Variants in RBPJ observed in about 807,000 individuals in gnomAD.
The protein encoded by RBPJ is recombination signal binding protein for immunoglobulin kappa J region.
A neutral mutation model predicts 67.8 loss-of-function variants in RBPJ; 9 were observed. The observed-to-expected ratio is 0.13, with a 90% CI of 0.08 to 0.23. RBPJ has a LOEUF of 0.23. Among genes scored for constraint, RBPJ ranks in the 10% least tolerant of loss-of-function variants. The pLI, the probability that RBPJ is intolerant of heterozygous loss-of-function variation, is 1.00. For missense variants in RBPJ, 305 were observed against 595.6 expected (o/e 0.51, Z 5.08); for synonymous variants, 198 against 203.3 (o/e 0.97, Z 0.22).
rs561355134 is a variant in RBPJ, at chr4:26,264,665, C to T, written c.-166-97781C>T. 3.0e-4 allele frequency among the ~76,000 whole-genome samples: 45 copies of T among 152,274 alleles called. No individual in the cohort carries two copies. The highest frequency in any genetic ancestry group is 6.0e-4 in the Non-Finnish European group (41 of 68,014). ...CTAGCCACACTGAAACACTGGCACTCGTCCCAAAAGCACCATGCCCTTGAC... is the reference window on the plus strand; with the variant it reads ...CTAGCCACACTGAAACACTGGCACTTGTCCCAAAAGCACCATGCCCTTGAC... On this transcript the variant is annotated intron_variant, in intron 1 of 4. Transcript: ENST00000512351. This position sits in a 1 kb window ranked among gnomAD's most constrained non-coding sequence, Gnocchi z 4.1.
At chr4:26,333,363 G>C (rs1410967242) in intron 1 of RBPJ, among the ~76,000 whole-genome samples, 1 of 152,102 alleles carries the variant, frequency 6.6e-6, no homozygotes, top group African/African-American at 2.4e-5. Flanking sequence ...TATCTACTCA[G>C]TCCTCAACTA....
At chr4:26,385,868 T>C (rs373868861) in intron 1 of RBPJ, among the ~76,000 whole-genome samples, 1 of 152,130 alleles carries the variant, frequency 6.6e-6, no homozygotes, top group East Asian at 1.9e-4. Flanking sequence ...AGTGGCACGA[T>C]CATGACTCAC....
chr4:26,123,040 T>C, the RBPJ span, among the ~76,000 whole-genome samples: 1 of 152,194 alleles, frequency 6.6e-6, no homozygotes, highest in Admixed American at 6.5e-5. Flanking sequence ...AATACAGTTA[T>C]GCATTGCTTA....
the RBPJ span, among the ~76,000 whole-genome samples, chr4:26,157,277 T>C: frequency 6.6e-6 from 1 of 151,876 alleles, no homozygotes; most frequent in Non-Finnish European, 1.5e-5. Context: ...CCAAAGAATT[T>C]TTTACATTAG....
At chr4:26,257,485 C>T (rs1040897958) in intron 1 of RBPJ, among the ~76,000 whole-genome samples, 15 of 152,108 alleles carry the variant, frequency 9.9e-5, no homozygotes, top group Admixed American at 3.9e-4. Context: ...CAAAATTTGC[C>T]GGGTGTGGTG....
chr4:26,139,697 C>T, the RBPJ span, among the ~76,000 whole-genome samples: 2 of 152,158 alleles, frequency 1.3e-5, no homozygotes, highest in Admixed American at 6.5e-5. Flanking sequence ...CCACAGGGGC[C>T]TCTGTTTTCT....
At chr4:26,330,502 T>C (rs1724122003) in intron 1 of RBPJ, among the ~76,000 whole-genome samples, 1 of 152,246 alleles carries the variant, frequency 6.6e-6, no homozygotes, top group Admixed American at 6.5e-5. Flanking sequence ...TCTGTACCTA[T>C]ATTTTTTGAA....
the RBPJ span, among the ~76,000 whole-genome samples, chr4:26,137,261 T>C: frequency 6.6e-6 from 1 of 152,164 alleles, no homozygotes; most frequent in Non-Finnish European, 1.5e-5. Context: ...GTTCTGCAGC[T>C]CACAGGATTT....
chr4:26,375,752 G>A (rs1295147563), intron 1 of RBPJ, among the ~76,000 whole-genome samples: 1 of 152,144 alleles, frequency 6.6e-6, no homozygotes, highest in Non-Finnish European at 1.5e-5. Flanking sequence ...TTGTTGGGAC[G>A]CACACAAAGC....
In RBPJ at chr4:26,424,625, C is replaced by T; in HGVS notation, c.635-6C>T. On this transcript the variant is annotated splice_region_variant and splice_polypyrimidine_tract_variant and intron_variant, in intron 6 of 10. Transcript: ENST00000355476. The surrounding 1 kb of genome is among the most constrained non-coding windows in gnomAD (Gnocchi z 5.3). Reference sequence around the variant, plus strand: ...ACAATTTGATTTATTTTTCCACCTACTGCAGTGGATGATGATGAATCAGAA... The same window carrying T: ...ACAATTTGATTTATTTTTCCACCTATTGCAGTGGATGATGATGAATCAGAA... The T allele has an allele frequency of 6.3e-7, 1 of 1,589,746 alleles. No individual in the cohort carries two copies.
intron 1 of RBPJ, among the ~76,000 whole-genome samples, chr4:26,308,547 A>G (rs1305188491): frequency 6.6e-6 from 1 of 152,260 alleles, no homozygotes; most frequent in Non-Finnish European, 1.5e-5. Context: ...AGCAGCAACT[A>G]TTGAAAGAGA....
At chr4:26,404,526 T>G (rs1025052466) in intron 2 of RBPJ, among the ~76,000 whole-genome samples, 45 of 152,344 alleles carry the variant, frequency 3.0e-4, no homozygotes, top group African/African-American at 9.9e-4. Flanking sequence ...GTGGCTCACC[T>G]TAGAATCTCA....
At chr4:26,378,172 T>A (rs1729957316) in intron 1 of RBPJ, among the ~76,000 whole-genome samples, 1 of 152,146 alleles carries the variant, frequency 6.6e-6, no homozygotes, top group South Asian at 2.1e-4. Context: ...GGCTTGTTCC[T>A]TATGTTTAGA....
At position 26,299,672 on chromosome 4, in the gene RBPJ, CT is replaced by C. The variant is rs397879662; in HGVS notation, c.-166-62749del. Among the ~76,000 whole-genome samples the C allele has an allele frequency of 4.3e-3, 367 of 85,254 alleles. 1 individual carries two copies. The highest frequency in any genetic ancestry group is 0.012 in the African/African-American group (264 of 21,756). The allele number at this position is 85,254 out of a possible 152,430, so 55.9% of individuals were successfully genotyped here. ...AAGAAAAGATAGTTAAGACTGTGTG[CT>C]TTTTTTTTTTTTTTTTTTTTTTTTG... is the stretch of plus-strand genomic sequence containing the variant. On this transcript the variant is annotated intron_variant, in intron 1 of 4. Coordinates refer to the RBPJ transcript ENST00000512351.
intron 1 of RBPJ, among the ~76,000 whole-genome samples, chr4:26,254,666 T>C (rs566379088): frequency 1.4e-5 from 2 of 147,702 alleles, no homozygotes; most frequent in South Asian, 4.2e-4. Flanking sequence ...AAACATGCTA[T>C]ATAGCATGTT....
rs1415374569 is a variant in RBPJ at position 26,364,099 on chromosome 4, A to G, written c.21-22254A>G. 2.6e-5 allele frequency among the ~76,000 whole-genome samples: 4 copies of G among 152,194 alleles called. No homozygotes were observed. The East Asian group carries it at 5.8e-4, about 22-fold the overall frequency. On this transcript the variant is annotated intron_variant, in intron 1 of 10. Coordinates refer to ENST00000355476, the MANE Select transcript of RBPJ (RefSeq NM_015874.6). ...TCTTTTAGGTAATAAAAGAAACAATATTGGGAAGACAGGTTTAAATAAATC... is the reference window on the plus strand; with the variant it reads ...TCTTTTAGGTAATAAAAGAAACAATGTTGGGAAGACAGGTTTAAATAAATC...
intron 1 of RBPJ, among the ~76,000 whole-genome samples, chr4:26,239,088 C>T (rs1719548301): frequency 6.6e-6 from 1 of 152,188 alleles, no homozygotes; most frequent in African/African-American, 2.4e-5. Context: ...AAAGCAACGA[C>T]TGCTCAGATA....
chr4:26,404,380 C>G (rs1267008398), intron 2 of RBPJ, among the ~76,000 whole-genome samples: 1 of 152,048 alleles, frequency 6.6e-6, no homozygotes, highest in Non-Finnish European at 1.5e-5. Context: ...AACGTATTAC[C>G]ACTTTTATCA....
At chr4:26,124,222 A>G in the RBPJ span, among the ~76,000 whole-genome samples, 13 of 151,568 alleles carry the variant, frequency 8.6e-5, no homozygotes, top group African/African-American at 1.5e-4. Context: ...TGTCCCCCTG[A>G]GTCCCCAAAG....
Sources: gnomAD v4.1 joint callset for allele counts (sites outside exome capture counted in the v4.1 genomes callset) on GRCh38, gnomAD v4.1.1 for gene constraint, Gnocchi (gnomAD v3.1) non-coding constraint, MANE v1.5 for transcripts, NCBI Gene and HGNC (gene_info 2026-07-23, HGNC 2026-07-21) for gene names.